LPIN1: variants seen among roughly 807,000 people sequenced by gnomAD.
LPIN1 encodes the protein phosphatidate phosphatase LPIN1.
A neutral mutation model predicts 107.5 loss-of-function variants in LPIN1; 71 were observed. The observed-to-expected ratio is 0.66, with a 90% CI of 0.55 to 0.80. The LOEUF is 0.80. LPIN1 is among the 30% of genes least tolerant of loss of function. The probability of loss-of-function intolerance (pLI) is 0.00; values close to 1 mark genes in which losing one functional copy is unlikely to be tolerated. For synonymous variants in LPIN1, 445 were observed against 452.6 expected (o/e 0.98, Z 0.21); for missense variants, 1,043 against 1,160.6 (o/e 0.90, Z 1.47).
intron 1 of LPIN1, among the ~76,000 whole-genome samples, chr2:11,754,652 A>G (rs1468408276): frequency 6.6e-6 from 1 of 152,042 alleles, no homozygotes; most frequent in African/African-American, 2.4e-5. Context: ...CAATAATAAG[A>G]TTTTGCATGT....
At chr2:11,692,407 G>A (rs1662318222) in intron 1 of LPIN1, among the ~76,000 whole-genome samples, 1 of 152,140 alleles carries the variant, frequency 6.6e-6, no homozygotes, top group Admixed American at 6.5e-5. Flanking sequence ...GATTAAACAA[G>A]GCAGTGCAGT....
At chr2:11,705,596 G>A (rs1238221741) in intron 1 of LPIN1, among the ~76,000 whole-genome samples, 1 of 152,140 alleles carries the variant, frequency 6.6e-6, no homozygotes, top group Non-Finnish European at 1.5e-5. Flanking sequence ...GTGGAAGCGT[G>A]TCTCGGACAG....
intron 1 of LPIN1, among the ~76,000 whole-genome samples, chr2:11,686,440 C>G (rs1396978100): frequency 1.3e-5 from 2 of 152,114 alleles, no homozygotes; most frequent in Non-Finnish European, 2.9e-5. Context: ...GGCTAGAACG[C>G]TGGGTTGGAC....
At position 11,788,370 on chromosome 2, in the gene LPIN1, T is replaced by G. The variant is rs752877759; in HGVS notation, c.1644-17T>G. The G allele has an allele frequency of 4.4e-6, 7 of 1,599,648 alleles. No homozygotes were observed. Among genetic ancestry groups the G allele is most frequent in the Non-Finnish European group, 6.0e-6 (7 of 1,166,926 alleles). On this transcript the variant is annotated splice_polypyrimidine_tract_variant and intron_variant, in intron 11 of 20. Transcript: ENST00000674199. ...GAGCCTCGGTTTTTTGACATATATTTCATTGTTTTGTGTTAGATATTATAA... is the reference window on the plus strand; with the variant it reads ...GAGCCTCGGTTTTTTGACATATATTGCATTGTTTTGTGTTAGATATTATAA...
upstream of LPIN1, among the ~76,000 whole-genome samples, chr2:11,720,844 T>C (rs1664078042): frequency 6.6e-6 from 1 of 151,546 alleles, no homozygotes; most frequent in South Asian, 2.1e-4. Flanking sequence ...TGCAGCTGAG[T>C]TGAGCAAAGA....
At chr2:11,778,090 G>A (rs1024733648) in intron 6 of LPIN1, among the ~76,000 whole-genome samples, 1 of 152,190 alleles carries the variant, frequency 6.6e-6, no homozygotes, top group African/African-American at 2.4e-5. Context: ...TTGTGGAACT[G>A]GAAGAGCAAG....
intron 1 of LPIN1, among the ~76,000 whole-genome samples, chr2:11,740,808 A>G (rs1179397796): frequency 6.6e-6 from 1 of 152,198 alleles, no homozygotes; most frequent in Non-Finnish European, 1.5e-5. Flanking sequence ...ATTTGAAGCC[A>G]TCTTCCCAGA....
intron 1 of LPIN1, among the ~76,000 whole-genome samples, chr2:11,695,111 G>T (rs1230759201): frequency 2.0e-5 from 3 of 152,216 alleles, no homozygotes; most frequent in Admixed American, 6.5e-5. Flanking sequence ...TGATGACTGT[G>T]TTGGGAACTT....
At chr2:11,735,473 C>G (rs1481191010) in intron 1 of LPIN1, among the ~76,000 whole-genome samples, 1 of 152,178 alleles carries the variant, frequency 6.6e-6, no homozygotes, top group African/African-American at 2.4e-5. Flanking sequence ...GTATTTGAAT[C>G]TAGGAGATTG....
At chr2:11,696,274 C>A (rs1018688739) in intron 1 of LPIN1, among the ~76,000 whole-genome samples, 1 of 150,106 alleles carries the variant, frequency 6.7e-6, no homozygotes, top group Non-Finnish European at 1.5e-5. Context: ...TGAGTGAGAA[C>A]ATGTGGTGTT....
chr2:11,820,393 C>A lies in LPIN1; in HGVS notation c.2518-18C>A. 1 of 1,493,176 alleles carries A rather than the reference C, an allele frequency of 6.7e-7. No individual in the cohort carries two copies. Among genetic ancestry groups the A allele is most frequent in the Non-Finnish European group, 9.3e-7 (1 of 1,069,994 alleles). 92.5% of individuals were successfully genotyped at this position (1,493,176 alleles called of 1,614,324 possible). A position where few individuals can be genotyped will look rare whatever the true frequency, so the allele number is the denominator to read the frequency against. On this transcript the variant is annotated intron_variant, in intron 19 of 20. Coordinates refer to ENST00000674199, the MANE Select transcript of LPIN1 (RefSeq NM_001349206.2). ...CTCTTTTCTAATGAACACTTTAAAT[C>A]ACCTTTACCAAATATAGGATGTGTA...
chr2:11,782,437 G>C lies in LPIN1; in HGVS notation c.1194G>C (p.Glu398Asp). 6.2e-7 allele frequency: 1 copy of C among 1,614,126 alleles called. No individual in the cohort carries two copies. Among genetic ancestry groups the C allele is most frequent in the South Asian group, 1.1e-5 (1 of 91,082 alleles). ...GAAAPLLPMI[E>D]ELKPPSASVV... ...CAGCGCCACTCTTGCCCATGATCGA[G>C]GAGCTCAAACCCCCCTCTGCCAGTG... Residue 398 changes from glutamate to aspartate, a missense_variant, in exon 8 of 21, where the codon GAG becomes GAC. Transcript: ENST00000674199.
intron 2 of LPIN1, among the ~76,000 whole-genome samples, chr2:11,717,730 A>T (rs897054464): frequency 1.3e-5 from 2 of 152,082 alleles, no homozygotes; most frequent in Non-Finnish European, 2.9e-5. Flanking sequence ...AGAAATAATA[A>T]CTCATTTATT....
At chr2:11,767,652 C>A in intron 2 of LPIN1, 111 bp from the exon 3 acceptor site, 1 of 755,224 alleles carries the variant, frequency 1.3e-6, no homozygotes, top group Non-Finnish European at 2.4e-6. Flanking sequence ...TTGTGTGGCA[C>A]TTCAGGGTGT....
chr2:11,767,989 T>A, intron 3 of LPIN1, 131 bp downstream of exon 3: 1 of 719,388 alleles, frequency 1.4e-6, no homozygotes, highest in Non-Finnish European at 2.5e-6. Flanking sequence ...CAGAGAAAAG[T>A]GGGCGTTGAT....
upstream of LPIN1, among the ~76,000 whole-genome samples, chr2:11,742,748 C>T (rs890837166): frequency 2.0e-5 from 3 of 152,232 alleles, no homozygotes; most frequent in South Asian, 2.1e-4. Context: ...ATGAATTGTT[C>T]CCAATCTGAC....
At chr2:11,763,964 A>AGTGTGT (rs143711712) in intron 1 of LPIN1, among the ~76,000 whole-genome samples, 2,660 of 134,016 alleles carry the variant, frequency 0.02, 53 homozygotes, top group African/African-American at 0.042. Context: ...CATATATTTT[A>AGTGTGT]GTGTGTGTGT....
At chr2:11,703,618 T>G (rs1662991966) in intron 1 of LPIN1, among the ~76,000 whole-genome samples, 1 of 152,136 alleles carries the variant, frequency 6.6e-6, no homozygotes, top group South Asian at 2.1e-4. Context: ...CTCACGGAAG[T>G]ACAAACTGTA....
At chr2:11,792,304 G>T in intron 13 of LPIN1, 1 of 289,868 alleles carries the variant, frequency 3.4e-6, no homozygotes, top group Non-Finnish European at 6.7e-6. Flanking sequence ...ATTCAGCCTG[G>T]GAATTCAGTT....
Sources: allele counts gnomAD v4.1 joint callset (sites outside exome capture counted in the v4.1 genomes callset), GRCh38; gene constraint gnomAD v4.1.1; transcripts MANE v1.5; gene names NCBI Gene and HGNC (gene_info 2026-07-23, HGNC 2026-07-21).